Variants in UBE2E2 observed in about 807,000 individuals in gnomAD.
The protein encoded by UBE2E2 is ubiquitin-conjugating enzyme E2 E2.
Under a neutral mutation model 24.7 loss-of-function variants are expected in UBE2E2, and 6 were observed. That is an observed-to-expected ratio of 0.24 (90% CI 0.13 to 0.48). UBE2E2 has a LOEUF of 0.48. UBE2E2 is among the 20% of genes least tolerant of loss of function. The pLI, the probability that UBE2E2 is intolerant of heterozygous loss-of-function variation, is 0.99. For synonymous variants in UBE2E2, 104 were observed against 83.6 expected, an observed-to-expected ratio of 1.24 and a Z score of -1.33; for missense variants, 169 against 245.0, an observed-to-expected ratio of 0.69 and a Z score of 2.07.
chr3:23,558,396 A>T (rs866657205), intron 5 of UBE2E2, among the ~76,000 whole-genome samples: 1 of 152,266 alleles, frequency 6.6e-6, no homozygotes, highest in Middle Eastern at 3.4e-3. Context: ...ATGTACAGAC[A>T]TATCTTTATG....
chr3:23,453,831 TGA>T (rs1271970316), intron 3 of UBE2E2, among the ~76,000 whole-genome samples: 3 of 152,200 alleles, frequency 2.0e-5, no homozygotes, highest in African/African-American at 4.8e-5. Flanking sequence ...CTCTTCATTG[TGA>T]AGATGTTACA....
At position 23,223,014 on chromosome 3, in the gene UBE2E2, G is replaced by GC. The variant is rs368747645; in HGVS notation, c.227+5713dup. 7.2e-3 allele frequency among the ~76,000 whole-genome samples: 467 copies of GC among 65,308 alleles called. 2 individuals are homozygous for GC. Among genetic ancestry groups the GC allele is most frequent in the African/African-American group, 9.4e-3 (138 of 14,756 alleles). The allele number at this position is 65,308 out of a possible 152,430, so 42.8% of individuals were successfully genotyped here. A position where few individuals can be genotyped will look rare whatever the true frequency, so the allele number is the denominator to read the frequency against. On this transcript the variant is annotated intron_variant, in intron 3 of 5. Transcript: ENST00000396703. ...TGAGAAATGTCTGTTTACATCTTTT[G>GC]CCCCCCCCCCCTTTTTTTTTTTTTT... is the stretch of plus-strand genomic sequence containing the variant.
At chr3:23,242,386 GC>G (rs1185313594) in intron 3 of UBE2E2, among the ~76,000 whole-genome samples, 1 of 92,750 alleles carries the variant, frequency 1.1e-5, no homozygotes, top group African/African-American at 4.5e-5. Context: ...TTTTTTCCCC[GC>G]CCCCCGCCCC....
intron 3 of UBE2E2, among the ~76,000 whole-genome samples, chr3:23,318,514 G>A (rs1694645175): frequency 6.6e-6 from 1 of 152,124 alleles, no homozygotes; most frequent in Admixed American, 6.6e-5. Flanking sequence ...TATTTATAAA[G>A]AAAAAGAGGT....
In UBE2E2 at chr3:23,218,108, G is replaced by A. The variant is rs146290870; in HGVS notation, c.227+796G>A. 1.5e-3 allele frequency among the ~76,000 whole-genome samples: 232 copies of A among 152,120 alleles called. 4 individuals carry two copies. In the East Asian group the frequency reaches 0.037, roughly 24 times the overall value. ...AATCTTATGCATTGAAGGTGAGAGGGCCGATTAAATAAAAATTTTCCCAAC... is the reference window on the plus strand; with the variant it reads ...AATCTTATGCATTGAAGGTGAGAGGACCGATTAAATAAAAATTTTCCCAAC... On this transcript the variant is annotated intron_variant, in intron 3 of 5. Coordinates refer to ENST00000396703, the MANE Select transcript of UBE2E2 (RefSeq NM_152653.4).
chr3:23,548,618 C>G (rs1217149430), intron 5 of UBE2E2, among the ~76,000 whole-genome samples: 1 of 152,176 alleles, frequency 6.6e-6, no homozygotes, highest in Non-Finnish European at 1.5e-5. Flanking sequence ...CTGGTCTCTT[C>G]TCTCTGCATT....
At chr3:23,462,142 A>G (rs1575646080) in intron 3 of UBE2E2, among the ~76,000 whole-genome samples, 1 of 152,154 alleles carries the variant, frequency 6.6e-6, no homozygotes, top group Non-Finnish European at 1.5e-5. Flanking sequence ...TGCTGTCACT[A>G]TTGTATAAAT....
In UBE2E2 at chr3:23,427,331, G is replaced by A. The variant is rs193088249; in HGVS notation, c.228-72277G>A. On this transcript the variant is annotated intron_variant, in intron 3 of 5. Coordinates refer to ENST00000396703, the MANE Select transcript of UBE2E2 (RefSeq NM_152653.4). ...TGTAGTTCCAGCTATTTGGGAGGCAGAGGCAGGAAGGTGATTTGCACCTGG... is the reference window on the plus strand; with the variant it reads ...TGTAGTTCCAGCTATTTGGGAGGCAAAGGCAGGAAGGTGATTTGCACCTGG... Among the ~76,000 whole-genome samples, 656 of 151,860 alleles carry A rather than the reference G, an allele frequency of 4.3e-3. 1 individual carries two copies. Among genetic ancestry groups the A allele is most frequent in the Non-Finnish European group, 6.8e-3 (460 of 67,976 alleles).
At chr3:23,380,279 G>A (rs1344619906) in intron 3 of UBE2E2, among the ~76,000 whole-genome samples, 1 of 152,126 alleles carries the variant, frequency 6.6e-6, no homozygotes, top group Non-Finnish European at 1.5e-5. Context: ...GAGGGCAGTG[G>A]TGCAGTCCTA....
rs759999517 is a variant in UBE2E2 at position 23,260,999 on chromosome 3, A to G, written c.227+43687A>G. Among the ~76,000 whole-genome samples the G allele has an allele frequency of 7.6e-4, 116 of 152,258 alleles. 1 individual carries two copies. Among genetic ancestry groups the G allele is most frequent in the Non-Finnish European group, 6.8e-4 (46 of 68,008 alleles). ...GTGCCTGTAGTCTCAGCTACCTGGGAAGCTGATGTGGGAGGATCTCTTGAG... is the reference window on the plus strand; with the variant it reads ...GTGCCTGTAGTCTCAGCTACCTGGGGAGCTGATGTGGGAGGATCTCTTGAG... On this transcript the variant is annotated intron_variant, in intron 3 of 5. Transcript: ENST00000396703.
At position 23,252,648 on chromosome 3, in the gene UBE2E2, C is replaced by T. The variant is rs777251413; in HGVS notation, c.227+35336C>T. 1.3e-4 allele frequency among the ~76,000 whole-genome samples: 20 copies of T among 152,126 alleles called. No homozygotes were observed. The East Asian group carries it at 1.7e-3, about 13-fold the overall frequency. On this transcript the variant is annotated intron_variant, in intron 3 of 5. Coordinates refer to ENST00000396703, the MANE Select transcript of UBE2E2 (RefSeq NM_152653.4). ...AGTAGCTGGGATTACAGGCACGTGC[C>T]GCCGCATCCAGCTGATTTTTGTATT...
chr3:23,533,528 GT>G (rs1695173334), intron 5 of UBE2E2, among the ~76,000 whole-genome samples: 5 of 149,462 alleles, frequency 3.3e-5, no homozygotes, highest in South Asian at 2.1e-4. Flanking sequence ...GATCCTGGCT[GT>G]TTTATAAAAC....
chr3:23,221,373 A>G (rs1279199187), intron 3 of UBE2E2, among the ~76,000 whole-genome samples: 7 of 152,164 alleles, frequency 4.6e-5, no homozygotes, highest in Non-Finnish European at 1.0e-4. Context: ...GAGTTTTGTA[A>G]TCATCACAGT....
At position 23,259,721 on chromosome 3, in the gene UBE2E2, C is replaced by T. The variant is rs557668195; in HGVS notation, c.227+42409C>T. On this transcript the variant is annotated intron_variant, in intron 3 of 5. Transcript: ENST00000396703. ...TGTGGAAATTATTTGGATGATTCAG[C>T]GTATTGGAAGAGGTTGATGGGGCCC... is the stretch of plus-strand genomic sequence containing the variant. Among the ~76,000 whole-genome samples, 23 of 152,172 alleles carry T rather than the reference C, an allele frequency of 1.5e-4. 1 individual carries two copies. Among genetic ancestry groups the T allele is most frequent in the East Asian group, 3.9e-4 (2 of 5,186 alleles).
At chr3:23,376,029 A>G (rs1190435894) in intron 3 of UBE2E2, among the ~76,000 whole-genome samples, 1 of 152,226 alleles carries the variant, frequency 6.6e-6, no homozygotes, top group African/African-American at 2.4e-5. Flanking sequence ...TAAAGCATAC[A>G]TAATCCAAAC....
At chr3:23,358,554 A>T (rs1696029671) in intron 3 of UBE2E2, among the ~76,000 whole-genome samples, 2 of 152,232 alleles carry the variant, frequency 1.3e-5, no homozygotes, top group African/African-American at 4.8e-5. Flanking sequence ...GATAGTTGAG[A>T]CTTTTATTTT....
At chr3:23,241,357 A>C (rs568328291) in intron 3 of UBE2E2, among the ~76,000 whole-genome samples, 1 of 152,148 alleles carries the variant, frequency 6.6e-6, no homozygotes, top group Non-Finnish European at 1.5e-5. Flanking sequence ...TATATAGTCT[A>C]TTCTTAATAT....
At chr3:23,368,268 A>C (rs554382436) in intron 3 of UBE2E2, among the ~76,000 whole-genome samples, 5 of 152,284 alleles carry the variant, frequency 3.3e-5, no homozygotes, top group Admixed American at 6.5e-5. Flanking sequence ...GGCTCCTCCA[A>C]TGACAGTGAT....
chr3:23,549,391 T>C (rs1423629970), intron 5 of UBE2E2, among the ~76,000 whole-genome samples: 5 of 152,216 alleles, frequency 3.3e-5, no homozygotes, highest in East Asian at 1.9e-4. Flanking sequence ...GCTAGACTTA[T>C]CAGTGTCAGG....
Sources: gnomAD v4.1 joint callset for allele counts (sites outside exome capture counted in the v4.1 genomes callset) on GRCh38, gnomAD v4.1.1 for gene constraint, MANE v1.5 for transcripts, NCBI Gene and HGNC (gene_info 2026-07-23, HGNC 2026-07-21) for gene names.